Variants in NME5 observed in about 807,000 individuals in gnomAD.
The protein encoded by NME5 is nucleoside diphosphate kinase 5.
In NME5, 18 loss-of-function variants were observed where a neutral mutation model predicts 21.6. That is an observed-to-expected ratio of 0.83 (90% CI 0.58 to 1.24). The LOEUF (loss-of-function observed/expected upper bound fraction) is 1.24. Among genes scored for constraint, NME5 ranks in the 50% most tolerant of loss-of-function variants. The pLI is 0.00. For synonymous variants in NME5, 70 were observed against 80.6 expected (o/e 0.87, Z 0.71); for missense variants, 223 against 255.4 (o/e 0.87, Z 0.86).
At chr5:138,123,549 C>T (rs529941685) in intron 4 of NME5, among the ~76,000 whole-genome samples, 5 of 152,300 alleles carry the variant, frequency 3.3e-5, no homozygotes, top group Non-Finnish European at 5.9e-5. Flanking sequence ...AGAATCTCTT[C>T]CTTTTTAAGG....
intron 2 of NME5, among the ~76,000 whole-genome samples, chr5:138,136,939 G>A (rs371715799): frequency 2.0e-5 from 3 of 151,802 alleles, no homozygotes; most frequent in Non-Finnish European, 4.4e-5. Flanking sequence ...CACCGTGCCT[G>A]GCCTTGTTGA....
chr5:138,136,236 T>C (rs564135947), intron 2 of NME5, among the ~76,000 whole-genome samples: 4 of 152,368 alleles, frequency 2.6e-5, no homozygotes, highest in East Asian at 1.9e-4. Flanking sequence ...AGGAATTCTA[T>C]AGGACAGATT....
chr5:138,136,543 T>A (rs1751701098), intron 2 of NME5, among the ~76,000 whole-genome samples: 2 of 152,150 alleles, frequency 1.3e-5, no homozygotes, highest in Admixed American at 6.5e-5. Context: ...CCTTTGTCTA[T>A]GAGTTGCAAA....
In NME5 at chr5:138,139,380, C is replaced by G; in HGVS notation, c.-15G>C. 1.0e-6 allele frequency: 1 copy of G among 985,620 alleles called. No homozygotes were observed. The highest frequency in any genetic ancestry group is 1.2e-6 in the Non-Finnish European group (1 of 830,126). 61.1% of individuals were successfully genotyped at this position (985,620 alleles called of 1,614,324 possible). A position where few individuals can be genotyped will look rare whatever the true frequency, so the allele number is the denominator to read the frequency against. ...CTCTCTAAGTACTCACCTCAGCGGC[C>G]GTCCTCATATGGTACAACTTGTTGC... On this transcript the variant is annotated 5_prime_UTR_variant, in exon 1 of 6. Coordinates refer to ENST00000265191, the MANE Select transcript of NME5 (RefSeq NM_003551.3).
chr5:138,129,823 G>A (rs896199781), intron 2 of NME5, among the ~76,000 whole-genome samples: 1 of 152,098 alleles, frequency 6.6e-6, no homozygotes, highest in African/African-American at 2.4e-5. Flanking sequence ...CCGGGCGGGC[G>A]GCATGCGCCT....
intron 5 of NME5, among the ~76,000 whole-genome samples, 187 bp downstream of exon 5, chr5:138,118,631 C>T (rs1751216471): frequency 6.6e-6 from 1 of 151,920 alleles, no homozygotes; most frequent in African/African-American, 2.4e-5. Flanking sequence ...ATTACAGGCA[C>T]ATGCCACCAC....
intron 5 of NME5, among the ~76,000 whole-genome samples, chr5:138,117,840 G>A (rs149215291): frequency 1.6e-3 from 240 of 151,840 alleles, no homozygotes; most frequent in African/African-American, 4.9e-3. Context: ...AAAATTACCC[G>A]GGCGTGGTGG....
chr5:138,129,523 T>C, intron 2 of NME5, 55 bp from the exon 3 acceptor site: 1 of 1,195,038 alleles, frequency 8.4e-7, no homozygotes, highest in Non-Finnish European at 1.2e-6. Context: ...CAATGATAGC[T>C]CATTAAAATC....
At chr5:138,122,853 T>A (rs1421453551) in intron 4 of NME5, among the ~76,000 whole-genome samples, 1 of 151,856 alleles carries the variant, frequency 6.6e-6, no homozygotes, top group Non-Finnish European at 1.5e-5. Flanking sequence ...AATTTTTTTT[T>A]ATTTTTAGCA....
At chr5:138,132,171 G>A (rs1751585515) in intron 2 of NME5, among the ~76,000 whole-genome samples, 2 of 152,144 alleles carry the variant, frequency 1.3e-5, no homozygotes, top group Admixed American at 1.3e-4. Context: ...ACCAGCCTGG[G>A]CCACACGCAG....
intron 2 of NME5, 86 bp downstream of exon 2, chr5:138,138,566 T>C: frequency 8.5e-7 from 1 of 1,175,010 alleles, no homozygotes; most frequent in Non-Finnish European, 1.2e-6. Context: ...ACACTAAGGG[T>C]TTAAATGGGT....
At chr5:138,136,843 A>G (rs1708198855) in intron 2 of NME5, among the ~76,000 whole-genome samples, 1 of 151,904 alleles carries the variant, frequency 6.6e-6, no homozygotes, top group African/African-American at 2.4e-5. Context: ...GGGTTTCTCC[A>G]TGTTGGTCAG....
Position 138,118,832 on chromosome 5 carries a change from GT to G in NME5, c.540del (p.Lys180AsnfsTer6). On this transcript the variant is annotated frameshift_variant, in exon 5 of 6. Transcript: ENST00000265191. LOFTEE classifies it high-confidence loss of function. ...LEGLTELCKQ[K>X]PADPLIWLAD... is the part of the protein sequence containing the mutation. ...ATATTTCTTACCAAAGGATCTGCTGGTTTTTGCTTACAAAGCTCTGTGAGTC... is the reference window on the plus strand; with the variant it reads ...ATATTTCTTACCAAAGGATCTGCTGGTTTTGCTTACAAAGCTCTGTGAGTC... The G allele has an allele frequency of 6.2e-7, 1 of 1,605,000 alleles. No homozygotes were observed. The highest frequency in any genetic ancestry group is 1.7e-4 in the Middle Eastern group (1 of 6,030).
At chr5:138,120,087 C>T (rs894034076) in intron 4 of NME5, among the ~76,000 whole-genome samples, 1 of 151,870 alleles carries the variant, frequency 6.6e-6, no homozygotes, top group Non-Finnish European at 1.5e-5. Context: ...AAGTGTGTGC[C>T]ACCACACCCA....
chr5:138,130,189 G>A (rs949144144), intron 2 of NME5, among the ~76,000 whole-genome samples: 2 of 152,054 alleles, frequency 1.3e-5, no homozygotes, highest in Non-Finnish European at 2.9e-5. Flanking sequence ...AGGCCAAGGC[G>A]GAAGGATCGC....
intron 2 of NME5, among the ~76,000 whole-genome samples, chr5:138,133,069 T>C (rs1431300405): frequency 6.6e-6 from 1 of 152,040 alleles, no homozygotes; most frequent in African/African-American, 2.4e-5. Flanking sequence ...CCAGCCAATG[T>C]AGCACAATTT....
intron 4 of NME5, among the ~76,000 whole-genome samples, chr5:138,120,379 G>T (rs1401172748): frequency 6.6e-6 from 1 of 151,652 alleles, no homozygotes; most frequent in Non-Finnish European, 1.5e-5. Context: ...GACTACAGGT[G>T]CCCGCCACTA....
chr5:138,134,816 C>T (rs1179450020), intron 2 of NME5, among the ~76,000 whole-genome samples: 2 of 142,416 alleles, frequency 1.4e-5, no homozygotes, highest in East Asian at 4.4e-4. Flanking sequence ...AGCTCCACCT[C>T]CCGGGTTCAC....
chr5:138,134,480 G>A (rs1751645298), intron 2 of NME5, among the ~76,000 whole-genome samples: 1 of 151,844 alleles, frequency 6.6e-6, no homozygotes, highest in South Asian at 2.1e-4. Flanking sequence ...CTGACCTCAG[G>A]TAATCCACCC....
Sources: gnomAD v4.1 joint callset for allele counts (sites outside exome capture counted in the v4.1 genomes callset) on GRCh38, gnomAD v4.1.1 for gene constraint, MANE v1.5 for transcripts, NCBI Gene and HGNC (gene_info 2026-07-23, HGNC 2026-07-21) for gene names.